The following KIAA1958 variants were observed in gnomAD, a reference collection of about 807,000 sequenced individuals.
KIAA1958 encodes the protein uncharacterized protein KIAA1958.
A neutral mutation model predicts 47.2 loss-of-function variants in KIAA1958; 14 were observed. That is an observed-to-expected ratio of 0.30 (90% CI 0.20 to 0.46). The LOEUF is 0.46. Ranked by LOEUF, KIAA1958 falls within the 20% of genes least tolerant of loss-of-function variation. KIAA1958 has a pLI of 1.00. For synonymous variants in KIAA1958, 354 were observed against 353.3 expected (o/e 1.00, Z -0.02); for missense variants, 803 against 909.2 (o/e 0.88, Z 1.50).
chr9:112,586,069 A>G (rs1471290997), intron 2 of KIAA1958, among the ~76,000 whole-genome samples: 1 of 152,244 alleles, frequency 6.6e-6, no homozygotes, highest in East Asian at 1.9e-4. Context: ...CCCTAGTTTA[A>G]AAACAAAACA....
chr9:112,495,162 C>T (rs1389803947), intron 1 of KIAA1958, among the ~76,000 whole-genome samples: 1 of 152,062 alleles, frequency 6.6e-6, no homozygotes, highest in African/African-American at 2.4e-5. Context: ...ATCCTCCTGC[C>T]TTGGTCTCCC....
intron 3 of KIAA1958, among the ~76,000 whole-genome samples, chr9:112,646,913 A>G (rs1836985263): frequency 6.6e-6 from 1 of 152,248 alleles, no homozygotes; most frequent in African/African-American, 2.4e-5. Context: ...ATGGCCAACA[A>G]AGAGTTAGGA....
chr9:112,548,424 G>A (rs1052939925), intron 1 of KIAA1958, among the ~76,000 whole-genome samples: 1 of 152,148 alleles, frequency 6.6e-6, no homozygotes, highest in Non-Finnish European at 1.5e-5. Context: ...ATGAAACCAG[G>A]CTGTAGCCTG....
chr9:112,583,991 G>A (rs751571919), intron 2 of KIAA1958, among the ~76,000 whole-genome samples: 7 of 152,088 alleles, frequency 4.6e-5, no homozygotes, highest in African/African-American at 4.8e-5. Context: ...ACTTGAGCCC[G>A]GGAGTTTAAG....
intron 2 of KIAA1958, among the ~76,000 whole-genome samples, chr9:112,604,940 A>G (rs1289496908): frequency 2.7e-5 from 4 of 147,476 alleles, no homozygotes; most frequent in African/African-American, 7.4e-5. Flanking sequence ...TTTATGTAAT[A>G]TATATTTTAA....
At chr9:112,516,880 G>T (rs113844764) in intron 1 of KIAA1958, among the ~76,000 whole-genome samples, 2,905 of 152,338 alleles carry the variant, frequency 0.019, 51 homozygotes, top group Middle Eastern at 0.048. Flanking sequence ...TGTGGTGGAA[G>T]ATTTATGGAC....
intron 1 of KIAA1958, among the ~76,000 whole-genome samples, chr9:112,521,122 C>A (rs1004388475): frequency 2.0e-5 from 3 of 151,896 alleles, no homozygotes; most frequent in Non-Finnish European, 2.9e-5. Context: ...TAAGACAATC[C>A]GTCTTCCTGG....
At chr9:112,506,135 T>G (rs1234360072) in intron 1 of KIAA1958, among the ~76,000 whole-genome samples, 1 of 152,122 alleles carries the variant, frequency 6.6e-6, no homozygotes, top group African/African-American at 2.4e-5. Context: ...AAAATGAAAT[T>G]TATAGAGTAC....
chr9:112,603,770 A>G (rs1238706345), intron 2 of KIAA1958, among the ~76,000 whole-genome samples: 1 of 152,238 alleles, frequency 6.6e-6, no homozygotes, highest in Non-Finnish European at 1.5e-5. Flanking sequence ...GCCAGGGGGC[A>G]CAGTGGGTAC....
intron 1 of KIAA1958, among the ~76,000 whole-genome samples, chr9:112,509,506 A>G (rs371520764): frequency 3.3e-4 from 50 of 152,344 alleles, no homozygotes; most frequent in African/African-American, 1.2e-3. Context: ...TGTCCAAATG[A>G]GGAAACACTG....
chr9:112,602,919 A>C (rs1248792633), intron 2 of KIAA1958, among the ~76,000 whole-genome samples: 1 of 152,214 alleles, frequency 6.6e-6, no homozygotes, highest in Non-Finnish European at 1.5e-5. Context: ...AAGTGAAGTG[A>C]AGTTGTGTAA....
In KIAA1958 at chr9:112,668,425, C is replaced by T. The variant is rs369237783; in HGVS notation, c.*8356C>T. The T allele has an allele frequency of 4.6e-5, 7 of 152,312 alleles. No homozygotes were observed. The highest frequency in any genetic ancestry group is 1.7e-4 in the African/African-American group (7 of 41,564). The allele number at this position is 152,312 out of a possible 1,614,324, so 9.4% of individuals were successfully genotyped here. ...TAGCTGTACTTGAAGTTTTATGGAACGCCATTTAAATTCAGACATCAAGGG... is the reference window on the plus strand; with the variant it reads ...TAGCTGTACTTGAAGTTTTATGGAATGCCATTTAAATTCAGACATCAAGGG... On this transcript the variant is annotated 3_prime_UTR_variant, in exon 4 of 4. Coordinates refer to ENST00000337530, the MANE Select transcript of KIAA1958 (RefSeq NM_133465.4).
rs574035495 is a variant in KIAA1958, at chr9:112,615,033, T to TCAG, written c.1172-30617_1172-30616insCAG. On this transcript the variant is annotated intron_variant, in intron 2 of 3. Transcript: ENST00000337530. ...CCCTTAAAAGAACTTTGAATAGTCT[T>TCAG]TACCACTCACTTTTAAATTGACACC... is the stretch of plus-strand genomic sequence containing the variant. Among the ~76,000 whole-genome samples, 226 of 152,336 alleles carry TCAG rather than the reference T, an allele frequency of 1.5e-3. 1 individual carries two copies. The highest frequency in any genetic ancestry group is 5.3e-3 in the African/African-American group (222 of 41,572).
intron 2 of KIAA1958, among the ~76,000 whole-genome samples, chr9:112,644,456 C>T (rs570586864): frequency 2.0e-5 from 3 of 152,316 alleles, no homozygotes; most frequent in South Asian, 4.1e-4. Context: ...TGAATACATT[C>T]ATCAATAGTC....
At chr9:112,623,665 T>A (rs1373053251) in intron 2 of KIAA1958, among the ~76,000 whole-genome samples, 1 of 152,218 alleles carries the variant, frequency 6.6e-6, no homozygotes, top group Non-Finnish European at 1.5e-5. Flanking sequence ...AGCAGAAGTT[T>A]GTGTCACTCT....
Position 112,668,898 on chromosome 9 carries a change from T to A in KIAA1958, c.*8829T>A, listed in dbSNP as rs1291877590. 1 of 152,248 alleles carries A rather than the reference T, an allele frequency of 6.6e-6. No homozygotes were observed. Among genetic ancestry groups the A allele is most frequent in the Non-Finnish European group, 1.5e-5 (1 of 68,050 alleles). 9.4% of individuals were successfully genotyped at this position (152,248 alleles called of 1,614,324 possible). A position where few individuals can be genotyped will look rare whatever the true frequency, so the allele number is the denominator to read the frequency against. On this transcript the variant is annotated 3_prime_UTR_variant, in exon 4 of 4. Coordinates refer to ENST00000337530, the MANE Select transcript of KIAA1958 (RefSeq NM_133465.4). ...TTAACTACTTAGATAAGAAGCGCAATGCTTTTATTTAAAAATTTAATATTT... is the reference window on the plus strand; with the variant it reads ...TTAACTACTTAGATAAGAAGCGCAAAGCTTTTATTTAAAAATTTAATATTT...
At chr9:112,578,062 A>T (rs1448926611) in intron 2 of KIAA1958, among the ~76,000 whole-genome samples, 1 of 152,176 alleles carries the variant, frequency 6.6e-6, no homozygotes. Context: ...AGGGTATCAT[A>T]TTGCTAAGAT....
chr9:112,490,630 A>T (rs948770042), intron 1 of KIAA1958, among the ~76,000 whole-genome samples: 5 of 152,262 alleles, frequency 3.3e-5, no homozygotes, highest in African/African-American at 1.2e-4. Flanking sequence ...TCAAGAAACG[A>T]AAAGTACTGA....
intron 3 of KIAA1958, among the ~76,000 whole-genome samples, chr9:112,658,880 C>A (rs148675936): frequency 1.3e-5 from 2 of 148,830 alleles, no homozygotes; most frequent in African/African-American, 4.9e-5. Context: ...ATTAGCCGGG[C>A]GTGGTGGCGG....
Sources: allele counts gnomAD v4.1 joint callset (sites outside exome capture counted in the v4.1 genomes callset), GRCh38; gene constraint gnomAD v4.1.1; transcripts MANE v1.5; gene names NCBI Gene and HGNC (gene_info 2026-07-23, HGNC 2026-07-21).